The following PRKAG2 variants were observed in gnomAD, a reference collection of about 807,000 sequenced individuals.
PRKAG2 encodes the protein 5'-AMP-activated protein kinase subunit gamma-2.
A neutral mutation model predicts 69.6 loss-of-function variants in PRKAG2; 26 were observed. The observed-to-expected ratio is 0.37, with a 90% CI of 0.27 to 0.52. The LOEUF is 0.52. Among genes scored for constraint, PRKAG2 ranks in the 20% least tolerant of loss-of-function variants. PRKAG2 has a pLI of 0.90. For missense variants in PRKAG2, 557 were observed against 740.0 expected (o/e 0.75, Z 2.87); for synonymous variants, 293 against 285.0 (o/e 1.03, Z -0.28).
intron 9 of PRKAG2, 101 bp from the exon 10 acceptor site, chr7:151,570,326 G>A: frequency 1.5e-6 from 2 of 1,328,414 alleles, no homozygotes; most frequent in Non-Finnish European, 2.1e-6. Context: ...ATAGTTAGAA[G>A]GATTAAAAAC....
Position 151,583,729 on chromosome 7 carries a change from C to A in PRKAG2, c.865-7277G>T, listed in dbSNP as rs557739853. 6.6e-6 allele frequency among the ~76,000 whole-genome samples: 1 copy of A among 152,182 alleles called. No individual in the cohort carries two copies. The highest frequency in any genetic ancestry group is 2.4e-5 in the African/African-American group (1 of 41,438). ...AAAATTTCTTTCCTTTTAACTGATA[C>A]GCAATTTGCTCAAACTATGATTAAT... On this transcript the variant is annotated intron_variant, in intron 6 of 15. Coordinates refer to ENST00000287878, the MANE Select transcript of PRKAG2 (RefSeq NM_016203.4). This position sits in a 1 kb window ranked among gnomAD's most constrained non-coding sequence, Gnocchi z 4.1.
At chr7:151,570,864 T>C (rs1315579705) in intron 9 of PRKAG2, among the ~76,000 whole-genome samples, 1 of 151,694 alleles carries the variant, frequency 6.6e-6, no homozygotes, top group East Asian at 1.9e-4. Flanking sequence ...GCCTCCCAGG[T>C]ACAAGCAATT....
At chr7:151,618,100 T>G (rs966878946) in intron 5 of PRKAG2, among the ~76,000 whole-genome samples, 5 of 152,074 alleles carry the variant, frequency 3.3e-5, no homozygotes, top group African/African-American at 1.2e-4. Flanking sequence ...GATGGGAGAA[T>G]CGCTTGAGCT....
chr7:151,857,129 G>A (rs868782098), intron 1 of PRKAG2, among the ~76,000 whole-genome samples: 21 of 122,702 alleles, frequency 1.7e-4, no homozygotes, highest in African/African-American at 1.9e-4. Context: ...ATCATTGCTG[G>A]AAAAAAAAAA....
Position 151,807,015 on chromosome 7 carries a change from G to C in PRKAG2, c.115-20474C>G. 2.2e-6 allele frequency: 1 copy of C among 455,394 alleles called. No individual in the cohort carries two copies. Among genetic ancestry groups the C allele is most frequent in the East Asian group, 7.0e-5 (1 of 14,384 alleles). The allele number at this position is 455,394 out of a possible 1,614,324, so 28.2% of individuals were successfully genotyped here. A position where few individuals can be genotyped will look rare whatever the true frequency, so the allele number is the denominator to read the frequency against. On this transcript the variant is annotated intron_variant, in intron 1 of 15. Coordinates refer to ENST00000287878, the MANE Select transcript of PRKAG2 (RefSeq NM_016203.4). This position sits in a 1 kb window ranked among gnomAD's most constrained non-coding sequence, Gnocchi z 4.4. ...TGTGTCCACCTGGGTTCAGAATTGCGCTGGACATGGGATACACAAAGGTAA... is the reference window on the plus strand; with the variant it reads ...TGTGTCCACCTGGGTTCAGAATTGCCCTGGACATGGGATACACAAAGGTAA...
chr7:151,744,689 C>T (rs913915576), intron 3 of PRKAG2, among the ~76,000 whole-genome samples: 2 of 152,198 alleles, frequency 1.3e-5, no homozygotes, highest in African/African-American at 4.8e-5. Context: ...ACTGAGACTC[C>T]GTGTAACCAC....
At chr7:151,678,039 A>C in intron 3 of PRKAG2, among the ~76,000 whole-genome samples, 2 of 151,432 alleles carry the variant, frequency 1.3e-5, no homozygotes, top group African/African-American at 4.9e-5. Flanking sequence ...GGCCTGGTTC[A>C]CTCTCCCCAG....
At chr7:151,655,292 T>C (rs1490715857) in intron 4 of PRKAG2, among the ~76,000 whole-genome samples, 1 of 152,168 alleles carries the variant, frequency 6.6e-6, no homozygotes, top group East Asian at 1.9e-4. Context: ...TCCATTTTCC[T>C]CTTCAAAATA....
At chr7:151,786,287 G>A (rs897365590) in intron 2 of PRKAG2, among the ~76,000 whole-genome samples, 183 bp downstream of exon 2, 2 of 152,230 alleles carry the variant, frequency 1.3e-5, no homozygotes, top group East Asian at 1.9e-4. Flanking sequence ...TAGCCCGGCC[G>A]ATACGCCAGG....
At chr7:151,858,039 G>C (rs879606241) in intron 1 of PRKAG2, among the ~76,000 whole-genome samples, 1 of 152,128 alleles carries the variant, frequency 6.6e-6, no homozygotes, top group Admixed American at 6.5e-5. Context: ...GTGGCCCCTC[G>C]GCTGCCAGCC....
At chr7:151,621,718 G>C (rs913715057) in intron 5 of PRKAG2, among the ~76,000 whole-genome samples, 14 of 151,936 alleles carry the variant, frequency 9.2e-5, no homozygotes, top group African/African-American at 3.4e-4. Context: ...GACCACAGGC[G>C]TGCACCACCA....
chr7:151,636,023 T>A (rs1232200463), intron 4 of PRKAG2, among the ~76,000 whole-genome samples: 1 of 145,156 alleles, frequency 6.9e-6, no homozygotes, highest in Non-Finnish European at 1.5e-5. Context: ...TAATTTTTTG[T>A]ATTTTTTTTA....
chr7:151,868,342 C>T (rs1252999991), intron 1 of PRKAG2, among the ~76,000 whole-genome samples: 1 of 152,220 alleles, frequency 6.6e-6, no homozygotes, highest in Non-Finnish European at 1.5e-5. Context: ...TAGCTAACCC[C>T]TTCCTCTGGT....
At chr7:151,707,177 GTCC>G (rs1395743611) in intron 3 of PRKAG2, among the ~76,000 whole-genome samples, 2 of 152,204 alleles carry the variant, frequency 1.3e-5, no homozygotes, top group Non-Finnish European at 1.5e-5. Flanking sequence ...ATGAAACCCA[GTCC>G]TCCTCCCTCC....
intron 3 of PRKAG2, among the ~76,000 whole-genome samples, chr7:151,683,106 C>T (rs1378569195): frequency 1.3e-5 from 2 of 152,242 alleles, no homozygotes; most frequent in Admixed American, 1.3e-4. Flanking sequence ...GGGCGGCAGC[C>T]AGGCCCAGTG....
At chr7:151,702,639 G>C (rs1837912822) in intron 3 of PRKAG2, among the ~76,000 whole-genome samples, 1 of 152,228 alleles carries the variant, frequency 6.6e-6, no homozygotes, top group African/African-American at 2.4e-5. Context: ...GCATTCCTTA[G>C]GATGGAGGCA....
chr7:151,581,095 G>GA (rs1810372088), intron 6 of PRKAG2, among the ~76,000 whole-genome samples: 1 of 151,710 alleles, frequency 6.6e-6, no homozygotes, highest in African/African-American at 2.4e-5. Context: ...CCATAAAAAT[G>GA]AAAAAAGAAT....
Position 151,576,587 on chromosome 7 carries a change from G to A in PRKAG2, c.865-135C>T, listed in dbSNP as rs970506012. ...ACCATCTTGGCTCACAGCAACCTCTGCTTCCTGGGCTCAATTGATTCTCTC... is the reference window on the plus strand; with the variant it reads ...ACCATCTTGGCTCACAGCAACCTCTACTTCCTGGGCTCAATTGATTCTCTC... On this transcript the variant is annotated intron_variant, in intron 6 of 15. Coordinates refer to ENST00000287878, the MANE Select transcript of PRKAG2 (RefSeq NM_016203.4). The A allele has an allele frequency of 2.3e-5, 17 of 733,020 alleles. No individual in the cohort carries two copies. The South Asian group carries it at 2.7e-4, about 12-fold the overall frequency. 45.4% of individuals were successfully genotyped at this position (733,020 alleles called of 1,614,324 possible).
intron 4 of PRKAG2, among the ~76,000 whole-genome samples, chr7:151,660,186 C>T (rs1299750600): frequency 1.3e-5 from 2 of 152,144 alleles, no homozygotes; most frequent in Admixed American, 6.5e-5. Context: ...CAGAGATTCC[C>T]CAAATCAATC....
Sources: allele counts gnomAD v4.1 joint callset (sites outside exome capture counted in the v4.1 genomes callset), GRCh38; gene constraint gnomAD v4.1.1; non-coding constraint Gnocchi (gnomAD v3.1); transcripts MANE v1.5; gene names NCBI Gene and HGNC (gene_info 2026-07-23, HGNC 2026-07-21).